FMO1: variants seen among roughly 807,000 people sequenced by gnomAD.
FMO1 encodes the protein flavin-containing monooxygenase 1.
In FMO1, 36 loss-of-function variants were observed where a neutral mutation model predicts 45.4. The observed-to-expected ratio is 0.79, with a 90% CI of 0.61 to 1.05. The LOEUF (loss-of-function observed/expected upper bound fraction) is 1.05, where lower values mean the gene tolerates loss of function less well. FMO1 is among the 50% of genes least tolerant of loss of function. The pLI, the probability that FMO1 is intolerant of heterozygous loss-of-function variation, is 0.00. For synonymous variants in FMO1, 228 were observed against 227.2 expected, an observed-to-expected ratio of 1.00 and a Z score of -0.03; for missense variants, 615 against 640.3, an observed-to-expected ratio of 0.96 and a Z score of 0.43.
At chr1:171,259,369 G>A (rs1029650197) in intron 2 of FMO1, among the ~76,000 whole-genome samples, 5 of 152,130 alleles carry the variant, frequency 3.3e-5, no homozygotes, top group African/African-American at 4.8e-5. Context: ...CTGCCAAAGA[G>A]GACAAGGTAA....
rs1037983826 is a variant in FMO1, at chr1:171,267,721, T to C, written c.311T>C (p.Ile104Thr). ...AACCACTTTGACCTTCTGAAACACA[T>C]TCAATTCAAGGTAAGACACAAAACA... Reference protein sequence around the residue: ...YANHFDLLKHIQFKTKVCSVT... With the variant: ...YANHFDLLKHTQFKTKVCSVT... Residue 104 changes from isoleucine (I) to threonine (T), a missense_variant, in exon 3 of 9, where the codon ATT (isoleucine) becomes ACT (threonine). Coordinates refer to ENST00000617670, the MANE Select transcript of FMO1 (RefSeq NM_001282693.2). The C allele has an allele frequency of 6.8e-6, 11 of 1,608,456 alleles. No individual in the cohort carries two copies. The highest frequency in any genetic ancestry group is 1.3e-5 in the African/African-American group (1 of 74,724).
rs745663159 is a variant in FMO1 at position 171,280,741 on chromosome 1, C to A, written c.628-45C>A. 2.2e-5 allele frequency: 33 copies of A among 1,533,470 alleles called. 2 individuals carry two copies. Among genetic ancestry groups the A allele is most frequent in the Middle Eastern group, 4.6e-4 (2 of 4,312 alleles). 95.0% of individuals were successfully genotyped at this position (1,533,470 alleles called of 1,614,324 possible). A position where few individuals can be genotyped will look rare whatever the true frequency, so the allele number is the denominator to read the frequency against. ...TGAATCTCTGGCAGAACCAGCCAGC[C>A]GTGTTCACAGTGTCAAATGAAGGGA... On this transcript the variant is annotated intron_variant, in intron 5 of 8. Coordinates refer to ENST00000617670, the MANE Select transcript of FMO1 (RefSeq NM_001282693.2).
At chr1:171,274,652 C>T (rs1661027538) in intron 3 of FMO1, among the ~76,000 whole-genome samples, 2 of 152,060 alleles carry the variant, frequency 1.3e-5, no homozygotes, top group South Asian at 2.1e-4. Context: ...AGCCTATATT[C>T]TTTAAAAACT....
chr1:171,275,160 A>G (rs1307512152), intron 3 of FMO1, among the ~76,000 whole-genome samples, 186 bp from the exon 4 acceptor site: 1 of 152,220 alleles, frequency 6.6e-6, no homozygotes, highest in African/African-American at 2.4e-5. Flanking sequence ...TATCTCTCCA[A>G]GCTTAGACTA....
At chr1:171,277,116 T>A (rs28360405) in intron 4 of FMO1, among the ~76,000 whole-genome samples, 177 of 152,176 alleles carry the variant, frequency 1.2e-3, no homozygotes, top group Non-Finnish European at 2.0e-3. Flanking sequence ...GATTAAGGAG[T>A]CTTTGAGCTC....
At chr1:171,255,638 A>G (rs1660113867) in intron 1 of FMO1, among the ~76,000 whole-genome samples, 1 of 152,200 alleles carries the variant, frequency 6.6e-6, no homozygotes, top group Non-Finnish European at 1.5e-5. Context: ...ACACCCTGGC[A>G]GGATAAACAC....
At chr1:171,255,226 G>T (rs775182698) in intron 1 of FMO1, among the ~76,000 whole-genome samples, 26 of 152,286 alleles carry the variant, frequency 1.7e-4, no homozygotes, top group Admixed American at 1.1e-3. Flanking sequence ...TGAAATGCTG[G>T]AAGGTGCTAT....
chr1:171,248,593 C>G lies in FMO1; in HGVS notation c.-37C>G, dbSNP rs1268160590. The G allele has an allele frequency of 6.6e-6, 1 of 152,140 alleles. No homozygotes were observed. The highest frequency in any genetic ancestry group is 1.9e-4 in the East Asian group (1 of 5,170). 9.4% of individuals were successfully genotyped at this position (152,140 alleles called of 1,614,324 possible). A position where few individuals can be genotyped will look rare whatever the true frequency, so the allele number is the denominator to read the frequency against. ...AATACCAGAGTCCTGCGTGGCAGAGCCATTGGCACCAGAAATTACAAGTAC... is the reference window on the plus strand; with the variant it reads ...AATACCAGAGTCCTGCGTGGCAGAGGCATTGGCACCAGAAATTACAAGTAC... On this transcript the variant is annotated 5_prime_UTR_variant, in exon 1 of 9. Coordinates refer to ENST00000617670, the MANE Select transcript of FMO1 (RefSeq NM_001282693.2).
At chr1:171,280,254 G>A (rs1202796883) in intron 5 of FMO1, among the ~76,000 whole-genome samples, 1 of 152,168 alleles carries the variant, frequency 6.6e-6, no homozygotes, top group Non-Finnish European at 1.5e-5. Flanking sequence ...GTAAACAATT[G>A]TACAGGAAAC....
chr1:171,280,905 C>T lies in FMO1; in HGVS notation c.747C>T (p.Thr249=), dbSNP rs742350. ...ACATGTTGAGAAATTCCCTCCCAAC[C>T]CCAATTGTGACTTGGTTGATGGAGC... ...FQNMLRNSLP[T]PIVTWLMERK... The change falls in exon 6 of 9, where the codon ACC becomes ACT. Residue 249 remains threonine, a synonymous_variant. Transcript: ENST00000617670. The T allele has an allele frequency of 0.15, 240,070 of 1,613,384 alleles. 22,576 individuals are homozygous for T. Among genetic ancestry groups the T allele is most frequent in the African/African-American group, 0.46 (34,405 of 74,874 alleles).
chr1:171,268,911 G>A (rs1454025344), intron 3 of FMO1, among the ~76,000 whole-genome samples: 1 of 152,206 alleles, frequency 6.6e-6, no homozygotes, highest in African/African-American at 2.4e-5. Context: ...CATGGGGGCA[G>A]GTCTTTCCCA....
intron 1 of FMO1, among the ~76,000 whole-genome samples, chr1:171,255,642 T>C (rs575126730): frequency 6.6e-6 from 1 of 152,284 alleles, no homozygotes; most frequent in African/African-American, 2.4e-5. Flanking sequence ...CCTGGCAGGA[T>C]AAACACTACT....
intron 8 of FMO1, among the ~76,000 whole-genome samples, chr1:171,283,577 G>A (rs1661483813): frequency 1.3e-5 from 2 of 152,148 alleles, no homozygotes; most frequent in South Asian, 2.1e-4. Flanking sequence ...CAGGCAAGCA[G>A]TTGTACCTAT....
At chr1:171,270,753 G>A in intron 3 of FMO1, 1 of 1,126,574 alleles carries the variant, frequency 8.9e-7, no homozygotes. Flanking sequence ...AAGGTTAGTG[G>A]CTATTGAAAA....
At chr1:171,260,584 T>C (rs1329755522) in intron 2 of FMO1, among the ~76,000 whole-genome samples, 2 of 152,066 alleles carry the variant, frequency 1.3e-5, no homozygotes, top group African/African-American at 4.8e-5. Context: ...ATATGGCACC[T>C]GCAAGGGTAA....
intron 5 of FMO1, 34 bp from the exon 6 acceptor site, chr1:171,280,752 T>A: frequency 6.3e-7 from 1 of 1,577,242 alleles, no homozygotes; most frequent in Non-Finnish European, 8.7e-7. Context: ...GTGTTCACAG[T>A]GTCAAATGAA....
intron 7 of FMO1, 176 bp downstream of exon 7, chr1:171,282,509 C>T: frequency 1.9e-6 from 1 of 523,130 alleles, no homozygotes; most frequent in Non-Finnish European, 3.4e-6. Context: ...TCCATTACTG[C>T]ATAAATGGTA....
At chr1:171,267,445 C>T in intron 2 of FMO1, 98 bp from the exon 3 acceptor site, 2 of 732,014 alleles carry the variant, frequency 2.7e-6, no homozygotes, top group Non-Finnish European at 4.5e-6. Flanking sequence ...TTCTCCTGTG[C>T]TTGGCAATGA....
At chr1:171,269,002 C>A (rs1309455583) in intron 3 of FMO1, among the ~76,000 whole-genome samples, 1 of 152,198 alleles carries the variant, frequency 6.6e-6, no homozygotes, top group Non-Finnish European at 1.5e-5. Context: ...AGCTCTCTCT[C>A]TGCTTGCTGC....
Sources: allele counts gnomAD v4.1 joint callset (sites outside exome capture counted in the v4.1 genomes callset), GRCh38; gene constraint gnomAD v4.1.1; transcripts MANE v1.5; gene names NCBI Gene and HGNC (gene_info 2026-07-23, HGNC 2026-07-21).